GPC6: variants seen among roughly 807,000 people sequenced by gnomAD.
GPC6 encodes glypican-6.
GPC6 carries 14 observed loss-of-function variants against 55.2 expected under a neutral mutation model. The ratio of observed to expected loss-of-function variants is 0.25; its 90% CI spans 0.17 to 0.40. The LOEUF is 0.40. GPC6 is among the 10% of genes least tolerant of loss of function. GPC6 has a pLI of 1.00. For missense variants in GPC6, 641 were observed against 708.5 expected, an observed-to-expected ratio of 0.90 and a Z score of 1.08; for synonymous variants, 278 against 259.6, an observed-to-expected ratio of 1.07 and a Z score of -0.68.
At chr13:93,412,686 A>G (rs1320729205) in intron 1 of GPC6, among the ~76,000 whole-genome samples, 1 of 152,156 alleles carries the variant, frequency 6.6e-6, no homozygotes, top group Non-Finnish European at 1.5e-5. Context: ...AATCCAGGCC[A>G]TTAATTGTTT....
At chr13:93,846,976 T>C (rs905807002) in intron 3 of GPC6, among the ~76,000 whole-genome samples, 1 of 152,220 alleles carries the variant, frequency 6.6e-6, no homozygotes, top group Admixed American at 6.5e-5. Flanking sequence ...CTCTTGTGGA[T>C]GATTATTCAT....
intron 3 of GPC6, among the ~76,000 whole-genome samples, chr13:93,975,609 G>A (rs148245562): frequency 6.6e-6 from 1 of 152,258 alleles, no homozygotes; most frequent in Non-Finnish European, 1.5e-5. Flanking sequence ...GAAAAATGCA[G>A]CAACTTCACA....
At chr13:93,477,724 G>A (rs1346921979) in intron 1 of GPC6, among the ~76,000 whole-genome samples, 1 of 152,148 alleles carries the variant, frequency 6.6e-6, no homozygotes, top group Non-Finnish European at 1.5e-5. Flanking sequence ...ATTGAGCTAA[G>A]AGTGCACAAA....
intron 1 of GPC6, among the ~76,000 whole-genome samples, chr13:93,521,959 G>C (rs943013791): frequency 2.6e-5 from 4 of 151,820 alleles, no homozygotes; most frequent in African/African-American, 2.4e-5. Flanking sequence ...AGAAAGACTA[G>C]GTTTTATTTA....
At chr13:93,769,083 G>A (rs1480370571) in intron 2 of GPC6, among the ~76,000 whole-genome samples, 2 of 152,104 alleles carry the variant, frequency 1.3e-5, no homozygotes, top group African/African-American at 4.8e-5. Context: ...TAAATCACAT[G>A]GGATTTTTCA....
chr13:94,243,608 A>AT (rs777276016), intron 4 of GPC6, among the ~76,000 whole-genome samples: 9 of 151,954 alleles, frequency 5.9e-5, no homozygotes, highest in Admixed American at 3.3e-4. Flanking sequence ...GACATTTCTA[A>AT]TTTTTCCCCA....
intron 4 of GPC6, among the ~76,000 whole-genome samples, chr13:94,033,362 T>C (rs1415987533): frequency 6.6e-6 from 1 of 152,190 alleles, no homozygotes; most frequent in Non-Finnish European, 1.5e-5. Context: ...ATGTAATAAA[T>C]GGCTACTTGG....
At chr13:93,326,860 G>T (rs1879676276) in intron 1 of GPC6, among the ~76,000 whole-genome samples, 1 of 152,200 alleles carries the variant, frequency 6.6e-6, no homozygotes, top group Non-Finnish European at 1.5e-5. Context: ...ATACTGTGTA[G>T]TGTCTGTTGC....
chr13:94,375,498 G>A (rs1003663798), intron 6 of GPC6, among the ~76,000 whole-genome samples: 3 of 152,080 alleles, frequency 2.0e-5, no homozygotes, highest in African/African-American at 4.8e-5. Flanking sequence ...ACTAAACCAG[G>A]AAGAAATTGA....
chr13:93,388,304 A>G (rs1362704094), intron 1 of GPC6, among the ~76,000 whole-genome samples: 1 of 152,084 alleles, frequency 6.6e-6, no homozygotes, highest in Non-Finnish European at 1.5e-5. Flanking sequence ...CCTCAAGCCT[A>G]TTGCGTTCCT....
rs760041376 is a variant in GPC6 at position 94,181,876 on chromosome 13, A to G, written c.878-104473A>G. ...GTGCCTGGTGCTATACTTCACATCC[A>G]TTAGTCCTGGTTAATCTTTAACTGG... On this transcript the variant is annotated intron_variant, in intron 4 of 8. Coordinates refer to ENST00000377047, the MANE Select transcript of GPC6 (RefSeq NM_005708.5). 7.2e-5 allele frequency among the ~76,000 whole-genome samples: 11 copies of G among 152,328 alleles called. No individual in the cohort carries two copies. In the East Asian group the frequency reaches 9.6e-4, roughly 13 times the overall value.
rs1335710134 is a variant in GPC6 at position 94,107,698 on chromosome 13, A to C, written c.877+79804A>C. Reference sequence around the variant, plus strand: ...TAGGTTTAAAATTAGCAAGAAAAAAACAAACAATCCCATCAAAAAACAGGT... The same window carrying C: ...TAGGTTTAAAATTAGCAAGAAAAAACCAAACAATCCCATCAAAAAACAGGT... On this transcript the variant is annotated intron_variant, in intron 4 of 8. Coordinates refer to ENST00000377047, the MANE Select transcript of GPC6 (RefSeq NM_005708.5). Among the ~76,000 whole-genome samples, 4 of 151,998 alleles carry C rather than the reference A, an allele frequency of 2.6e-5. No individual in the cohort carries two copies. In the East Asian group the frequency reaches 7.7e-4, roughly 29 times the overall value.
chr13:94,229,982 A>G (rs1220925215), intron 4 of GPC6, among the ~76,000 whole-genome samples: 1 of 152,188 alleles, frequency 6.6e-6, no homozygotes, highest in Non-Finnish European at 1.5e-5. Flanking sequence ...ACAGGAAGCC[A>G]GGGATGGTGT....
intron 2 of GPC6, among the ~76,000 whole-genome samples, chr13:93,672,148 G>GTTTT (rs5805816): frequency 7.5e-6 from 1 of 134,116 alleles, no homozygotes. Flanking sequence ...TAAGTTCTGG[G>GTTTT]TTTTTTTTTT....
chr13:94,266,160 TTTTG>T (rs1555313269), intron 4 of GPC6, among the ~76,000 whole-genome samples: 5 of 148,182 alleles, frequency 3.4e-5, no homozygotes, highest in African/African-American at 1.0e-4. Flanking sequence ...TCTTTTTTTT[TTTTG>T]TTTGTTTGTT....
At chr13:93,781,573 A>T (rs1247931080) in intron 2 of GPC6, among the ~76,000 whole-genome samples, 1 of 152,124 alleles carries the variant, frequency 6.6e-6, no homozygotes, top group African/African-American at 2.4e-5. Flanking sequence ...TTACTATATG[A>T]AATATAGAGA....
intron 3 of GPC6, among the ~76,000 whole-genome samples, chr13:94,007,459 A>G (rs1882067700): frequency 1.3e-5 from 2 of 152,146 alleles, no homozygotes; most frequent in Admixed American, 6.5e-5. Flanking sequence ...CATGCTGCCC[A>G]TGGGTGACAC....
At chr13:93,984,579 A>G (rs1273891598) in intron 3 of GPC6, among the ~76,000 whole-genome samples, 1 of 152,246 alleles carries the variant, frequency 6.6e-6, no homozygotes, top group Non-Finnish European at 1.5e-5. Context: ...TGACACATAA[A>G]GATGTATGTG....
chr13:94,334,293 G>A (rs191311482), intron 6 of GPC6, among the ~76,000 whole-genome samples: 56 of 152,284 alleles, frequency 3.7e-4, no homozygotes, highest in African/African-American at 1.3e-3. Flanking sequence ...GCAGCCAGCT[G>A]GAGACCACTG....
Sources: allele counts gnomAD v4.1 joint callset (sites outside exome capture counted in the v4.1 genomes callset), GRCh38; gene constraint gnomAD v4.1.1; transcripts MANE v1.5; gene names NCBI Gene and HGNC (gene_info 2026-07-23, HGNC 2026-07-21).